SLIT3: variants seen among roughly 807,000 people sequenced by gnomAD.
SLIT3 encodes the protein slit guidance ligand 3.
In SLIT3, 68 loss-of-function variants were observed where a neutral mutation model predicts 184.0. The observed-to-expected ratio is 0.37, with a 90% confidence interval of 0.30 to 0.45. The LOEUF (loss-of-function observed/expected upper bound fraction) is 0.45. Ranked by LOEUF, SLIT3 falls within the 20% of genes least tolerant of loss-of-function variation. SLIT3 has a pLI of 1.00. For synonymous variants in SLIT3, 831 were observed against 828.6 expected, an observed-to-expected ratio of 1.00 and a Z score of -0.05; for missense variants, 1,707 against 2,026.0, an observed-to-expected ratio of 0.84 and a Z score of 3.02.
intron 11 of SLIT3, among the ~76,000 whole-genome samples, chr5:168,786,778 G>A (rs1415038212): frequency 6.6e-6 from 1 of 152,028 alleles, no homozygotes; most frequent in East Asian, 1.9e-4. Context: ...GCCCTTGCTG[G>A]TGCTCTTCAA....
At chr5:168,731,056 G>A (rs551970082) in intron 20 of SLIT3, among the ~76,000 whole-genome samples, 1 of 151,188 alleles carries the variant, frequency 6.6e-6, no homozygotes, top group Non-Finnish European at 1.5e-5. Context: ...ACCAAGAAAA[G>A]AAGAGGGAAG....
chr5:169,115,169 C>T (rs1295073231), intron 4 of SLIT3, among the ~76,000 whole-genome samples: 2 of 152,148 alleles, frequency 1.3e-5, no homozygotes, highest in African/African-American at 4.8e-5. Flanking sequence ...TCTCCAAAAT[C>T]CCAAAACTTT....
intron 27 of SLIT3, among the ~76,000 whole-genome samples, chr5:168,699,370 G>T (rs549276183): frequency 1.3e-5 from 2 of 152,350 alleles, no homozygotes; most frequent in African/African-American, 4.8e-5. Flanking sequence ...CCCACACATG[G>T]CTTGGCATGG....
intron 23 of SLIT3, among the ~76,000 whole-genome samples, chr5:168,713,326 T>C (rs1372692486): frequency 6.6e-6 from 1 of 152,184 alleles, no homozygotes; most frequent in African/African-American, 2.4e-5. Context: ...TGGTGCCATA[T>C]ACTAAGCCTT....
At position 168,761,618 on chromosome 5, in the gene SLIT3, G is replaced by A. The variant is rs545532254; in HGVS notation, c.1611-682C>T. Among the ~76,000 whole-genome samples, 4 of 152,222 alleles carry A rather than the reference G, an allele frequency of 2.6e-5. No homozygotes were observed. The East Asian group carries it at 7.7e-4, about 29-fold the overall frequency. On this transcript the variant is annotated intron_variant, in intron 15 of 35. Transcript: ENST00000519560. ...AGAAACTGAGTCTCAGATCCAAGGA[G>A]CAAATGGCCTAATCTTAGGAAGCCT... is the stretch of plus-strand genomic sequence containing the variant.
rs17070816 is a variant in SLIT3, at chr5:169,100,494, C to T, written c.413+92985G>A. Among the ~76,000 whole-genome samples the T allele has an allele frequency of 4.4e-3, 675 of 152,188 alleles. 2 individuals carry two copies. The highest frequency in any genetic ancestry group is 7.4e-3 in the Non-Finnish European group (500 of 68,022). The stretch of plus-strand genomic sequence containing the variant: ...TAAATGAAAGCAGGTAAAGAGTTTC[C>T]CAGAATAAAGGCGTCAGGAATATGG... On this transcript the variant is annotated intron_variant, in intron 4 of 35. Coordinates refer to ENST00000519560, the MANE Select transcript of SLIT3 (RefSeq NM_003062.4).
intron 20 of SLIT3, among the ~76,000 whole-genome samples, chr5:168,747,282 ATTTT>A (rs1306981733): frequency 6.6e-6 from 1 of 151,980 alleles, no homozygotes; most frequent in Non-Finnish European, 1.5e-5. Flanking sequence ...TTTTTGTAGC[ATTTT>A]TCACAGTTGT....
In SLIT3 at chr5:168,710,184, A is replaced by G. The variant is rs1762509189; in HGVS notation, c.2719+711T>C. On this transcript the variant is annotated intron_variant, in intron 25 of 35. Coordinates refer to ENST00000519560, the MANE Select transcript of SLIT3 (RefSeq NM_003062.4). ...TAAAGACTGCGCATTCTGGAATCAG[A>G]TGGACCTGGAAGCCTGGTAAGCCTC... 2.6e-5 allele frequency: 4 copies of G among 152,332 alleles called. No individual in the cohort carries two copies. In the South Asian group the frequency reaches 8.3e-4, roughly 32 times the overall value. The allele number at this position is 152,332 out of a possible 1,614,324, so 9.4% of individuals were successfully genotyped here.
intron 1 of SLIT3, among the ~76,000 whole-genome samples, chr5:169,255,177 T>C (rs1431174469): frequency 6.6e-6 from 1 of 152,250 alleles, no homozygotes; most frequent in African/African-American, 2.4e-5. Flanking sequence ...GTGACTGTGT[T>C]ACTGGTATTT....
At chr5:169,134,027 T>G (rs1026267036) in intron 4 of SLIT3, among the ~76,000 whole-genome samples, 3 of 152,212 alleles carry the variant, frequency 2.0e-5, no homozygotes, top group African/African-American at 7.2e-5. Flanking sequence ...ATGCAAATGT[T>G]TCATTAATAA....
intron 6 of SLIT3, among the ~76,000 whole-genome samples, chr5:168,836,397 G>A (rs1758055011): frequency 6.6e-6 from 1 of 152,224 alleles, no homozygotes; most frequent in Admixed American, 6.5e-5. Flanking sequence ...AAGGGCAGAG[G>A]CTGACCATCA....
At chr5:169,225,542 C>T (rs1047997727) in intron 3 of SLIT3, among the ~76,000 whole-genome samples, 2 of 152,206 alleles carry the variant, frequency 1.3e-5, no homozygotes, top group Non-Finnish European at 2.9e-5. Context: ...CTCTTAGAGG[C>T]CTTATAGTCT....
chr5:168,765,698 G>A (rs1036039757), intron 14 of SLIT3, among the ~76,000 whole-genome samples: 21 of 152,176 alleles, frequency 1.4e-4, no homozygotes, highest in Admixed American at 6.5e-5. Context: ...ATAGAGGACC[G>A]ACTGCAATAG....
intron 6 of SLIT3, among the ~76,000 whole-genome samples, chr5:168,833,273 T>C (rs1757936274): frequency 6.6e-6 from 1 of 152,194 alleles, no homozygotes; most frequent in Admixed American, 6.5e-5. Flanking sequence ...CTGCACAGGG[T>C]GCATGAGGCT....
chr5:169,112,481 C>G (rs1184167233), intron 4 of SLIT3, among the ~76,000 whole-genome samples: 6 of 152,200 alleles, frequency 3.9e-5, no homozygotes, highest in African/African-American at 1.4e-4. Flanking sequence ...TTAGTTTCTC[C>G]TTCTTCCATC....
chr5:169,108,094 T>A (rs1376245684), intron 4 of SLIT3, among the ~76,000 whole-genome samples: 1 of 152,184 alleles, frequency 6.6e-6, no homozygotes, highest in Admixed American at 6.5e-5. Context: ...GCCCTGCTTG[T>A]TTTTGCCCCA....
At chr5:169,020,207 T>C (rs1283195469) in intron 4 of SLIT3, among the ~76,000 whole-genome samples, 1 of 152,202 alleles carries the variant, frequency 6.6e-6, no homozygotes, top group Non-Finnish European at 1.5e-5. Flanking sequence ...TTTAGAAGGG[T>C]AGTGAGACTG....
At chr5:168,683,701 T>C (rs966476018) in intron 32 of SLIT3, among the ~76,000 whole-genome samples, 2 of 152,214 alleles carry the variant, frequency 1.3e-5, no homozygotes, top group Non-Finnish European at 2.9e-5. Context: ...TCCCGCACAG[T>C]AGCCAGCTGC....
intron 5 of SLIT3, among the ~76,000 whole-genome samples, chr5:168,856,806 T>TGTGTGTGTGTGTGCGCGC (rs374432432): frequency 2.2e-5 from 3 of 137,740 alleles, no homozygotes; most frequent in African/African-American, 8.3e-5. Flanking sequence ...TGTGTGTGTG[T>TGTGTGTGTGTGTGCGCGC]GCGCGCGCGC....
Sources: gnomAD v4.1 joint callset for allele counts (sites outside exome capture counted in the v4.1 genomes callset) on GRCh38, gnomAD v4.1.1 for gene constraint, MANE v1.5 for transcripts, NCBI Gene and HGNC (gene_info 2026-07-23, HGNC 2026-07-21) for gene names.